Variants in MGAT4C observed in about 807,000 individuals in gnomAD.
MGAT4C encodes MGAT4 family member C.
A neutral mutation model predicts 40.1 loss-of-function variants in MGAT4C; 19 were observed. The ratio of observed to expected loss-of-function variants is 0.47; its 90% CI spans 0.33 to 0.70. The LOEUF (loss-of-function observed/expected upper bound fraction) is 0.70, where lower values mean the gene tolerates loss of function less well. Among genes scored for constraint, MGAT4C ranks in the 30% least tolerant of loss-of-function variants. The pLI is 0.02. For missense variants in MGAT4C, 491 were observed against 563.2 expected, an observed-to-expected ratio of 0.87 and a Z score of 1.30; for synonymous variants, 181 against 187.1, an observed-to-expected ratio of 0.97 and a Z score of 0.27.
At chr12:86,599,347 C>T (rs1034814381) in intron 2 of MGAT4C, among the ~76,000 whole-genome samples, 5 of 152,042 alleles carry the variant, frequency 3.3e-5, no homozygotes, top group African/African-American at 9.7e-5. Flanking sequence ...ATTTTCATTA[C>T]GTTATCTGTA....
At chr12:86,572,257 A>G (rs145692724) in intron 2 of MGAT4C, among the ~76,000 whole-genome samples, 3 of 152,244 alleles carry the variant, frequency 2.0e-5, no homozygotes, top group Admixed American at 6.6e-5. Context: ...AAATATATAA[A>G]TCAACACAAC....
At chr12:86,781,205 T>A (rs1951834571) in intron 1 of MGAT4C, among the ~76,000 whole-genome samples, 1 of 152,150 alleles carries the variant, frequency 6.6e-6, no homozygotes, top group South Asian at 2.1e-4. Flanking sequence ...AAATGGTAGT[T>A]CCATTTTTAG....
chr12:86,732,447 T>A (rs1333475144), intron 1 of MGAT4C, among the ~76,000 whole-genome samples: 5 of 152,116 alleles, frequency 3.3e-5, no homozygotes, highest in Admixed American at 2.0e-4. Context: ...TAATGTAGAA[T>A]CAGTGGGAGC....
At chr12:86,661,528 AT>A (rs1320506284) in intron 2 of MGAT4C, among the ~76,000 whole-genome samples, 1 of 152,172 alleles carries the variant, frequency 6.6e-6, no homozygotes, top group Admixed American at 6.5e-5. Flanking sequence ...CATAAAATTA[AT>A]TTTTTAATGA....
intron 2 of MGAT4C, among the ~76,000 whole-genome samples, chr12:86,021,876 C>T (rs1194159560): frequency 2.6e-5 from 4 of 152,108 alleles, no homozygotes; most frequent in African/African-American, 4.8e-5. Flanking sequence ...TTTTACTGTA[C>T]ATTTTCATAC....
intron 2 of MGAT4C, chr12:86,011,747 A>T: frequency 1.3e-6 from 1 of 771,360 alleles, no homozygotes; most frequent in Non-Finnish European, 1.6e-6. Flanking sequence ...TTTGCGAATA[A>T]TACTGATTAC....
intron 2 of MGAT4C, among the ~76,000 whole-genome samples, chr12:86,623,733 A>T (rs1962712745): frequency 6.6e-6 from 1 of 152,234 alleles, no homozygotes; most frequent in Non-Finnish European, 1.5e-5. Flanking sequence ...CAGCTATTTC[A>T]GAACTCTAAA....
intron 2 of MGAT4C, among the ~76,000 whole-genome samples, chr12:86,026,576 A>G (rs1042510676): frequency 2.6e-5 from 4 of 151,982 alleles, no homozygotes; most frequent in Non-Finnish European, 5.9e-5. Flanking sequence ...TAAAATTCAT[A>G]TAAGATATCT....
At chr12:86,758,482 C>T (rs745680166) in intron 1 of MGAT4C, among the ~76,000 whole-genome samples, 25 of 150,322 alleles carry the variant, frequency 1.7e-4, no homozygotes, top group South Asian at 6.3e-4. Flanking sequence ...CTCATTAAGT[C>T]GTTGCCTAAC....
intron 2 of MGAT4C, among the ~76,000 whole-genome samples, chr12:86,452,336 C>A (rs1957437481): frequency 6.6e-6 from 1 of 151,790 alleles, no homozygotes. Flanking sequence ...AGGCATATCT[C>A]TTAATGCTAT....
intron 1 of MGAT4C, among the ~76,000 whole-genome samples, chr12:86,084,149 T>C (rs892178296): frequency 5.9e-5 from 9 of 152,086 alleles, no homozygotes; most frequent in African/African-American, 2.2e-4. Context: ...AACTAACATT[T>C]CATTTTTGGA....
intron 3 of MGAT4C, among the ~76,000 whole-genome samples, chr12:86,403,940 T>C (rs1431051170): frequency 2.0e-5 from 3 of 152,176 alleles, no homozygotes; most frequent in African/African-American, 7.2e-5. Flanking sequence ...TTCTGTAAAA[T>C]TGTATATACT....
At chr12:86,246,277 C>T (rs1462793859) in intron 1 of MGAT4C, among the ~76,000 whole-genome samples, 2 of 148,410 alleles carry the variant, frequency 1.3e-5, no homozygotes, top group East Asian at 4.0e-4. Flanking sequence ...GCTCCGCCTC[C>T]TGGGTTCACG....
chr12:86,045,788 GCTTGGTGTTA>G (rs1457125681), intron 2 of MGAT4C, among the ~76,000 whole-genome samples: 7 of 152,128 alleles, frequency 4.6e-5, no homozygotes, highest in Non-Finnish European at 1.0e-4. Flanking sequence ...TTCATAACAT[GCTTGGTGTTA>G]CTTGACTATG....
intron 2 of MGAT4C, among the ~76,000 whole-genome samples, chr12:86,591,411 G>A (rs4526836): frequency 0.93 from 141,569 of 151,922 alleles, 66,040 homozygotes; most frequent in East Asian, 1. Context: ...CATTTTCAAT[G>A]TAATACCTCT....
At chr12:86,108,862 C>G (rs1352862551) in intron 1 of MGAT4C, among the ~76,000 whole-genome samples, 1 of 152,160 alleles carries the variant, frequency 6.6e-6, no homozygotes, top group Non-Finnish European at 1.5e-5. Context: ...AACTCCTGCT[C>G]CTTCAAAGTG....
intron 1 of MGAT4C, among the ~76,000 whole-genome samples, chr12:86,174,395 T>A (rs1887179321): frequency 6.6e-6 from 1 of 152,118 alleles, no homozygotes; most frequent in Admixed American, 6.5e-5. Flanking sequence ...GATGGAAGCC[T>A]TAATTTTGTT....
intron 4 of MGAT4C, among the ~76,000 whole-genome samples, chr12:86,323,369 G>A: frequency 6.6e-6 from 1 of 151,402 alleles, no homozygotes; most frequent in African/African-American, 2.4e-5. Flanking sequence ...TTTTGTATCA[G>A]TGGTTAATTT....
At chr12:86,408,479 C>CTGTATA (rs1267344319) in intron 3 of MGAT4C, among the ~76,000 whole-genome samples, 4 of 63,368 alleles carry the variant, frequency 6.3e-5, no homozygotes, top group African/African-American at 3.1e-4. Context: ...CTCTCTCTCT[C>CTGTATA]TATATATATA....
Sources: gnomAD v4.1 joint callset for allele counts (sites outside exome capture counted in the v4.1 genomes callset) on GRCh38, gnomAD v4.1.1 for gene constraint, MANE v1.5 for transcripts, NCBI Gene and HGNC (gene_info 2026-07-23, HGNC 2026-07-21) for gene names.